Variants in SPAG16 observed in about 807,000 individuals in gnomAD.
SPAG16 encodes the protein sperm-associated antigen 16 protein.
Under a neutral mutation model 80.4 loss-of-function variants are expected in SPAG16, and 86 were observed. The observed-to-expected ratio is 1.07, with a 90% CI of 0.90 to 1.28. The LOEUF (loss-of-function observed/expected upper bound fraction) is 1.28. Ranked by LOEUF, SPAG16 falls within the 50% of genes most tolerant of loss-of-function variation. The pLI, the probability that SPAG16 is intolerant of heterozygous loss-of-function variation, is 0.00. For synonymous variants in SPAG16, 294 were observed against 265.9 expected (o/e 1.11, Z -1.03); for missense variants, 870 against 765.3 (o/e 1.14, Z -1.61).
intron 10 of SPAG16, among the ~76,000 whole-genome samples, chr2:213,576,684 G>A (rs980745595): frequency 2.0e-5 from 3 of 152,130 alleles, no homozygotes; most frequent in African/African-American, 4.8e-5. Context: ...GAAGATGGAT[G>A]GAGCTGGAGG....
chr2:213,401,588 G>C (rs1377803313), intron 9 of SPAG16, among the ~76,000 whole-genome samples: 1 of 152,050 alleles, frequency 6.6e-6, no homozygotes. Context: ...TATTTGCCTG[G>C]TACATCTTTT....
At chr2:213,764,630 A>G (rs1025428325) in intron 10 of SPAG16, among the ~76,000 whole-genome samples, 13 of 152,146 alleles carry the variant, frequency 8.5e-5, no homozygotes, top group African/African-American at 3.1e-4. Flanking sequence ...TTTTCTCCGA[A>G]TTCAGTTCTG....
At chr2:214,346,247 A>AT (rs1698041533) in intron 15 of SPAG16, among the ~76,000 whole-genome samples, 1 of 151,424 alleles carries the variant, frequency 6.6e-6, no homozygotes. Context: ...TATAGTTTAA[A>AT]TGTTCATTTG....
chr2:213,608,369 T>C (rs563509897), intron 10 of SPAG16, among the ~76,000 whole-genome samples: 4 of 152,156 alleles, frequency 2.6e-5, no homozygotes, highest in African/African-American at 9.7e-5. Context: ...GTTCCCTTCC[T>C]GTGTCCATGT....
At chr2:214,003,932 C>CA (rs1032813498) in intron 12 of SPAG16, among the ~76,000 whole-genome samples, 29 of 152,058 alleles carry the variant, frequency 1.9e-4, no homozygotes, top group Non-Finnish European at 2.6e-4. Flanking sequence ...AAATCACCAA[C>CA]AAAAAATCAC....
intron 13 of SPAG16, among the ~76,000 whole-genome samples, chr2:214,039,223 A>G (rs1003028161): frequency 1.3e-5 from 2 of 152,108 alleles, no homozygotes; most frequent in South Asian, 2.1e-4. Context: ...TGACTTTTTA[A>G]TGATCGCCAT....
chr2:214,343,965 T>C (rs1697891148), intron 15 of SPAG16, among the ~76,000 whole-genome samples: 1 of 152,168 alleles, frequency 6.6e-6, no homozygotes, highest in Non-Finnish European at 1.5e-5. Context: ...CATATGCGAA[T>C]GGACTTGTGA....
chr2:213,767,524 GC>G (rs2068999911), intron 10 of SPAG16, among the ~76,000 whole-genome samples: 1 of 152,002 alleles, frequency 6.6e-6, no homozygotes, highest in African/African-American at 2.4e-5. Flanking sequence ...AAATAAATTA[GC>G]CAGGCGGTTG....
chr2:213,914,634 C>A (rs894214822), intron 11 of SPAG16, among the ~76,000 whole-genome samples: 3 of 152,180 alleles, frequency 2.0e-5, no homozygotes, highest in African/African-American at 7.2e-5. Flanking sequence ...TGTTGCCATT[C>A]AGTTCTATTT....
At position 213,963,948 on chromosome 2, in the gene SPAG16, T is replaced by G. The variant is rs1178503049; in HGVS notation, c.1400+33803T>G. ...AAGTGTGTATTCGACAGACAACATA[T>G]AGTTGGATCTTGTTAATTTATCCTT... On this transcript the variant is annotated intron_variant, in intron 12 of 15. Transcript: ENST00000331683. 2.0e-5 allele frequency among the ~76,000 whole-genome samples: 3 copies of G among 152,272 alleles called. No individual in the cohort carries two copies. The East Asian group carries it at 5.8e-4, about 29-fold the overall frequency.
At chr2:214,176,788 T>G (rs1653914957) in intron 15 of SPAG16, among the ~76,000 whole-genome samples, 1 of 150,130 alleles carries the variant, frequency 6.7e-6, no homozygotes, top group Non-Finnish European at 1.5e-5. Context: ...CCCTTAAGAG[T>G]CTCTAGTGGA....
At chr2:213,351,359 C>A (rs1026875275) in intron 7 of SPAG16, among the ~76,000 whole-genome samples, 1 of 151,986 alleles carries the variant, frequency 6.6e-6, no homozygotes, top group African/African-American at 2.4e-5. Context: ...CAAAGACATA[C>A]CATTTAAGAT....
At chr2:213,601,467 A>T (rs1277079638) in intron 10 of SPAG16, among the ~76,000 whole-genome samples, 1 of 152,200 alleles carries the variant, frequency 6.6e-6, no homozygotes. Context: ...ATACAACTTT[A>T]AGGTGAAACG....
At chr2:213,377,897 A>G (rs1575423432) in intron 9 of SPAG16, among the ~76,000 whole-genome samples, 2 of 89,150 alleles carry the variant, frequency 2.2e-5, no homozygotes, top group African/African-American at 4.9e-5. Context: ...ATATATATAT[A>G]TATATATTTT....
At chr2:214,150,510 T>C (rs2055923088) in intron 15 of SPAG16, among the ~76,000 whole-genome samples, 1 of 152,104 alleles carries the variant, frequency 6.6e-6, no homozygotes, top group African/African-American at 2.4e-5. Flanking sequence ...GGTCAATTTA[T>C]AGTTTTTGGC....
intron 3 of SPAG16, among the ~76,000 whole-genome samples, chr2:213,308,359 G>T (rs1552537): frequency 1.3e-5 from 2 of 152,056 alleles, no homozygotes; most frequent in Non-Finnish European, 2.9e-5. Flanking sequence ...TGTTCTGTCA[G>T]AATACTACAT....
intron 13 of SPAG16, among the ~76,000 whole-genome samples, chr2:214,056,774 C>A (rs1297373648): frequency 6.6e-6 from 1 of 152,252 alleles, no homozygotes. Flanking sequence ...AGTAGAAATT[C>A]TTTAAAAATT....
At chr2:213,667,832 T>C (rs2063665656) in intron 10 of SPAG16, among the ~76,000 whole-genome samples, 1 of 152,192 alleles carries the variant, frequency 6.6e-6, no homozygotes, top group South Asian at 2.1e-4. Flanking sequence ...TTTTTACAAA[T>C]GCTTTCTTTA....
chr2:213,356,232 G>T (rs1430643553), intron 7 of SPAG16, among the ~76,000 whole-genome samples: 1 of 152,260 alleles, frequency 6.6e-6, no homozygotes, highest in Non-Finnish European at 1.5e-5. Flanking sequence ...TCTCTGCCAG[G>T]CTTTGGTATC....
Sources: gnomAD v4.1 joint callset for allele counts (sites outside exome capture counted in the v4.1 genomes callset) on GRCh38, gnomAD v4.1.1 for gene constraint, MANE v1.5 for transcripts, NCBI Gene and HGNC (gene_info 2026-07-23, HGNC 2026-07-21) for gene names.